Variants in RGS20 observed in about 807,000 individuals in gnomAD.
RGS20 encodes gz-selective GTPase-activating protein.
A neutral mutation model predicts 33.6 loss-of-function variants in RGS20; 30 were observed. That is an observed-to-expected ratio of 0.89 (90% CI 0.67 to 1.21). The LOEUF (loss-of-function observed/expected upper bound fraction) is 1.21, where lower values mean the gene tolerates loss of function less well. Among genes scored for constraint, RGS20 ranks in the 50% most tolerant of loss-of-function variants. The pLI is 0.00. For synonymous variants in RGS20, 208 were observed against 197.9 expected (o/e 1.05, Z -0.43); for missense variants, 472 against 502.4 (o/e 0.94, Z 0.58).
chr8:53,930,604 G>A (rs1319704421), intron 2 of RGS20, among the ~76,000 whole-genome samples: 1 of 152,156 alleles, frequency 6.6e-6, no homozygotes, highest in Non-Finnish European at 1.5e-5. Flanking sequence ...GGAGTGCAGT[G>A]GCACGATCTC....
chr8:53,884,423 T>C (rs961636204), intron 2 of RGS20, among the ~76,000 whole-genome samples: 2 of 152,074 alleles, frequency 1.3e-5, no homozygotes, highest in Non-Finnish European at 2.9e-5. Context: ...GAACAGCCAG[T>C]TTAAGAGAAT....
At chr8:53,885,746 C>T (rs972733438) in intron 2 of RGS20, among the ~76,000 whole-genome samples, 47 of 150,806 alleles carry the variant, frequency 3.1e-4, no homozygotes, top group African/African-American at 1.1e-3. Flanking sequence ...AAAAGGAAAC[C>T]GTGGTTTTTT....
At chr8:53,942,133 C>T (rs1369858497) in intron 3 of RGS20, among the ~76,000 whole-genome samples, 1 of 152,040 alleles carries the variant, frequency 6.6e-6, no homozygotes, top group Non-Finnish European at 1.5e-5. Flanking sequence ...ATTAGTCAGG[C>T]ATGGGGGCAC....
intron 3 of RGS20, among the ~76,000 whole-genome samples, chr8:53,945,931 CAAGAT>C (rs1814463115): frequency 6.6e-6 from 1 of 151,218 alleles, no homozygotes; most frequent in African/African-American, 2.4e-5. Flanking sequence ...TAACCAGTTA[CAAGAT>C]GAGATAAAAG....
At chr8:53,947,991 A>G (rs1465792039) in intron 4 of RGS20, among the ~76,000 whole-genome samples, 1 of 136,312 alleles carries the variant, frequency 7.3e-6, no homozygotes, top group African/African-American at 2.7e-5. Flanking sequence ...TAGTATATAT[A>G]TTTATATATG....
chr8:53,888,975 T>C (rs1812623831), intron 2 of RGS20, among the ~76,000 whole-genome samples: 1 of 152,238 alleles, frequency 6.6e-6, no homozygotes, highest in South Asian at 2.1e-4. Flanking sequence ...ATTTTAGTTG[T>C]TTCCAGTGTG....
chr8:53,880,365 C>G (rs1467655344), intron 2 of RGS20: 1 of 152,804 alleles, frequency 6.5e-6, no homozygotes, highest in African/African-American at 2.4e-5. Context: ...GGGCGAGGGC[C>G]GCTTTCCAGG....
chr8:53,955,913 T>C (rs4738519), intron 5 of RGS20, among the ~76,000 whole-genome samples: 30,308 of 152,052 alleles, frequency 0.2, 4,276 homozygotes, highest in East Asian at 0.74. Context: ...ATTATAAAAC[T>C]ATTAGTTATT....
At chr8:53,939,553 C>T in intron 2 of RGS20, 23 bp from the exon 2 acceptor site, 1 of 1,496,822 alleles carries the variant, frequency 6.7e-7, no homozygotes, top group Non-Finnish European at 8.9e-7. Flanking sequence ...CTCCCGCCCG[C>T]TTTGTTCCTC....
intron 1 of RGS20, among the ~76,000 whole-genome samples, chr8:53,870,510 T>A (rs185709980): frequency 1.3e-5 from 2 of 152,342 alleles, no homozygotes. Flanking sequence ...GGAACAGTAT[T>A]AGGAACATTA....
chr8:53,857,562 G>T (rs368769916), intron 1 of RGS20, among the ~76,000 whole-genome samples: 2 of 152,194 alleles, frequency 1.3e-5, no homozygotes, highest in East Asian at 1.9e-4. Context: ...TGAGATGAGA[G>T]AAATAAATTT....
rs1192559735 is a variant in RGS20 at position 53,947,380 on chromosome 8, T to TATAC, written c.743+634_743+635insACAT. Among the ~76,000 whole-genome samples, 11 of 133,398 alleles carry TATAC rather than the reference T, an allele frequency of 8.2e-5. No homozygotes were observed. In the East Asian group the frequency reaches 1.8e-3, roughly 22 times the overall value. 87.5% of individuals were successfully genotyped at this position (133,398 alleles called of 152,430 possible). On this transcript the variant is annotated intron_variant, in intron 4 of 5. Coordinates refer to ENST00000297313, the MANE Select transcript of RGS20 (RefSeq NM_170587.4). Reference sequence around the variant, plus strand: ...TATATGCTATATATAAGATATAGTATATTTATATATGCTATATATAAGATA... The same window carrying TATAC: ...TATATGCTATATATAAGATATAGTATATACATTTATATATGCTATATATAAGATA...
chr8:53,884,191 C>CTTTTTTTTTTTT (rs4014055), intron 2 of RGS20, among the ~76,000 whole-genome samples: 7 of 103,456 alleles, frequency 6.8e-5, no homozygotes, highest in African/African-American at 3.2e-4. Context: ...GAAAAACAGT[C>CTTTTTTTTTTTT]TTTTTTTTTT....
intron 2 of RGS20, among the ~76,000 whole-genome samples, chr8:53,906,393 C>T (rs1391594510): frequency 6.6e-6 from 1 of 151,632 alleles, no homozygotes; most frequent in East Asian, 1.9e-4. Context: ...GAAAAAAAAA[C>T]AACTCACTCA....
rs77776322 is a variant in RGS20, at chr8:53,926,135, A to G, written c.511-13441A>G. 7.3e-3 allele frequency among the ~76,000 whole-genome samples: 1,115 copies of G among 152,250 alleles called. 15 individuals are homozygous for G. Among genetic ancestry groups the G allele is most frequent in the African/African-American group, 0.025 (1,055 of 41,570 alleles). On this transcript the variant is annotated intron_variant, in intron 2 of 5. Transcript: ENST00000297313. Reference sequence around the variant, plus strand: ...TTGGACAGGAGGATTGCTTGAACTCAGGAGGTTGAAGCTGCAGTGAGCCGT... The same window carrying G: ...TTGGACAGGAGGATTGCTTGAACTCGGGAGGTTGAAGCTGCAGTGAGCCGT...
chr8:53,858,259 G>A (rs1242755293), intron 1 of RGS20, among the ~76,000 whole-genome samples: 1 of 152,032 alleles, frequency 6.6e-6, no homozygotes, highest in Admixed American at 6.6e-5. Context: ...GATTACACTG[G>A]CAGCCTTCAC....
rs150622872 is a variant in RGS20, at chr8:53,926,471, A to AT, written c.511-13097dup. The stretch of plus-strand genomic sequence containing the variant: ...AGTCTTAGGCCTTAAGAGATAAGAG[A>AT]TTTTTTTTAAACACAATACTTGGTG... On this transcript the variant is annotated intron_variant, in intron 2 of 5. Transcript: ENST00000297313. 2.3e-3 allele frequency among the ~76,000 whole-genome samples: 350 copies of AT among 152,140 alleles called. 4 individuals are homozygous for AT. The highest frequency in any genetic ancestry group is 6.8e-3 in the Middle Eastern group (2 of 294).
intron 2 of RGS20, among the ~76,000 whole-genome samples, chr8:53,922,656 G>C (rs1391166841): frequency 6.6e-6 from 1 of 151,694 alleles, no homozygotes; most frequent in African/African-American, 2.4e-5. Context: ...TTTTTTCACT[G>C]TATGTGTATA....
intron 2 of RGS20, among the ~76,000 whole-genome samples, chr8:53,937,097 C>A (rs1411832193): frequency 1.3e-5 from 2 of 151,932 alleles, no homozygotes; most frequent in African/African-American, 4.8e-5. Flanking sequence ...ACAATGAAAA[C>A]ACTTGGACAC....
Sources: gnomAD v4.1 joint callset for allele counts (sites outside exome capture counted in the v4.1 genomes callset) on GRCh38, gnomAD v4.1.1 for gene constraint, MANE v1.5 for transcripts, NCBI Gene and HGNC (gene_info 2026-07-23, HGNC 2026-07-21) for gene names.